Variants in ABCA9 observed in about 807,000 individuals in gnomAD.
ABCA9 encodes ATP-binding cassette sub-family A member 9.
ABCA9 carries 183 observed loss-of-function variants against 205.3 expected under a neutral mutation model. The observed-to-expected ratio is 0.89, with a 90% CI of 0.79 to 1.01. The LOEUF (loss-of-function observed/expected upper bound fraction) is 1.01. ABCA9 is among the 50% of genes least tolerant of loss of function. The probability of loss-of-function intolerance (pLI) is 0.00; values close to 1 mark genes in which losing one functional copy is unlikely to be tolerated. For synonymous variants in ABCA9, 651 were observed against 683.3 expected, an observed-to-expected ratio of 0.95 and a Z score of 0.74; for missense variants, 1,805 against 1,912.4, an observed-to-expected ratio of 0.94 and a Z score of 1.05.
chr17:68,982,643 T>A lies in ABCA9; in HGVS notation c.4641-2A>T. 6.2e-7 allele frequency: 1 copy of A among 1,613,352 alleles called. No individual in the cohort carries two copies. Among genetic ancestry groups the A allele is most frequent in the Non-Finnish European group, 8.5e-7 (1 of 1,179,380 alleles). On this transcript the variant is annotated splice_acceptor_variant, in intron 36 of 38. Transcript: ENST00000340001. LOFTEE classifies it high-confidence loss of function. Reference sequence around the variant, plus strand: ...TTATAGACCATCAGGGAGGAGAACCTGCGAAGAGAAGACAGTGAGGCTGAA... The same window carrying A: ...TTATAGACCATCAGGGAGGAGAACCAGCGAAGAGAAGACAGTGAGGCTGAA...
At chr17:69,036,925 TA>T (rs199587958) in intron 6 of ABCA9, among the ~76,000 whole-genome samples, 4,761 of 77,586 alleles carry the variant, frequency 0.061, 188 homozygotes, top group African/African-American at 0.14. Context: ...TAGTCTCTGA[TA>T]AAACAGACTT....
chr17:69,076,685 T>C, the ABCA9 span, among the ~76,000 whole-genome samples: 1 of 152,134 alleles, frequency 6.6e-6, no homozygotes, highest in Non-Finnish European at 1.5e-5. Flanking sequence ...GGTTCAATTC[T>C]GGAACTTGGT....
chr17:69,066,462 A>G, the ABCA9 span, among the ~76,000 whole-genome samples: 3 of 152,144 alleles, frequency 2.0e-5, no homozygotes, highest in African/African-American at 4.8e-5. Context: ...TTGTCAAGAA[A>G]AGGTTGTTAT....
In ABCA9 at chr17:68,992,214, T is replaced by G; in HGVS notation, c.3677A>C (p.Asn1226Thr). 1 of 1,602,594 alleles carries G rather than the reference T, an allele frequency of 6.2e-7. No individual in the cohort carries two copies. ...CTTTCTCATTAGTTTCTTCCTGCAG[T>G]TCATTTCTAGGCATCGCAGAATGAA... is the stretch of plus-strand genomic sequence containing the variant. ...FLFILRCLEM[N>T]CRKKLMRKDP... The change falls in exon 28 of 39, where the codon AAC becomes ACC. Residue 1226 changes from asparagine to threonine, a missense_variant. Physicochemically the swap from Asn to Thr is moderately conservative, Grantham distance 65 (BLOSUM62 0). Transcript: ENST00000340001.
intron 31 of ABCA9, chr17:68,986,737 A>G (rs2069251157): frequency 6.4e-6 from 1 of 156,428 alleles, no homozygotes; most frequent in Non-Finnish European, 1.4e-5. Flanking sequence ...CCTAGGGGAT[A>G]TTTAACAATG....
At chr17:69,044,699 A>G in intron 4 of ABCA9, 99 bp from the exon 5 acceptor site, 2 of 995,280 alleles carry the variant, frequency 2.0e-6, no homozygotes, top group Middle Eastern at 2.1e-4. Flanking sequence ...GTCCATGATA[A>G]TATAGTGGAT....
chr17:68,989,256 T>TCTCACACACACACA (rs138281321), intron 30 of ABCA9, 138 bp from the exon 31 acceptor site: 38 of 242,994 alleles, frequency 1.6e-4, no homozygotes, highest in African/African-American at 3.3e-4. Context: ...TCTCTCTCTC[T>TCTCACACACACACA]CACACACACA....
Position 69,021,757 on chromosome 17 carries a change from T to A in ABCA9, c.2386A>T (p.Thr796Ser), listed in dbSNP as rs770242782. Residue 796 changes from threonine (T) to serine (S), a missense_variant, in exon 18 of 39, where the codon ACT becomes TCT. Thr to Ser is a moderately conservative substitution (Grantham distance 58). Coordinates refer to ENST00000340001, the MANE Select transcript of ABCA9 (RefSeq NM_080283.4). ...TTTTTCTTACCTGATTCATCAATAG[T>A]TGATTTTCCTTCTAATTTCAGAAAC... ...EVFLKLEGKSTIDESDIGIWG... is the reference protein window; with the variant it reads ...EVFLKLEGKSSIDESDIGIWG... 15 of 1,585,784 alleles carry A rather than the reference T, an allele frequency of 9.5e-6. No individual in the cohort carries two copies. Among genetic ancestry groups the A allele is most frequent in the Non-Finnish European group, 1.3e-5 (15 of 1,164,206 alleles).
intron 6 of ABCA9, among the ~76,000 whole-genome samples, chr17:69,038,394 G>A: frequency 6.6e-6 from 1 of 152,126 alleles, no homozygotes; most frequent in Non-Finnish European, 1.5e-5. Flanking sequence ...TCATCCCCGG[G>A]ATGCAAGGCA....
At chr17:69,055,385 C>T (rs1484104363) in intron 1 of ABCA9, among the ~76,000 whole-genome samples, 1 of 152,082 alleles carries the variant, frequency 6.6e-6, no homozygotes, top group African/African-American at 2.4e-5. Context: ...AATTCTAAAA[C>T]AGAACAGACT....
chr17:69,027,750 TGAACTTGC>T lies in ABCA9; in HGVS notation c.1673_1680del (p.Ser558AsnfsTer25), dbSNP rs979446575. 13 of 1,612,896 alleles carry T rather than the reference TGAACTTGC, an allele frequency of 8.1e-6. No homozygotes were observed. The African/African-American group carries it at 1.5e-4, about 18-fold the overall frequency. ...ACATTGGATTGTGGACAAAATCCAGTGAACTTGCTGATATTTTCTATATCAGCCATTCT... is the reference window on the plus strand; with the variant it reads ...ACATTGGATTGTGGACAAAATCCAGTTGATATTTTCTATATCAGCCATTCT... On this transcript the variant is annotated frameshift_variant, in exon 13 of 39. Transcript: ENST00000340001. LOFTEE classifies it high-confidence loss of function.
the ABCA9 span, among the ~76,000 whole-genome samples, chr17:69,073,434 A>G: frequency 6.6e-6 from 1 of 152,240 alleles, no homozygotes; most frequent in Non-Finnish European, 1.5e-5. Context: ...ATTAGAACTC[A>G]GGATTAAGAA....
chr17:69,031,143 C>G (rs1483317576), intron 10 of ABCA9, among the ~76,000 whole-genome samples: 1 of 152,094 alleles, frequency 6.6e-6, no homozygotes, highest in Non-Finnish European at 1.5e-5. Flanking sequence ...GTCTTATTAC[C>G]CACAATTTGC....
At chr17:68,984,733 TG>T (rs1175432026) in intron 34 of ABCA9, 151 bp downstream of exon 34, 5 of 1,021,286 alleles carry the variant, frequency 4.9e-6, no homozygotes, top group Middle Eastern at 2.2e-4. Flanking sequence ...CAATAAAAGC[TG>T]GTTGTGATTT....
intron 28 of ABCA9, 86 bp downstream of exon 28, chr17:68,992,088 CT>C: frequency 1.1e-6 from 1 of 921,132 alleles, no homozygotes; most frequent in Admixed American, 2.9e-5. Context: ...TGTGAAGTGT[CT>C]TTTACTTAAT....
At chr17:69,037,899 C>T (rs1269771278) in intron 6 of ABCA9, among the ~76,000 whole-genome samples, 4 of 151,948 alleles carry the variant, frequency 2.6e-5, no homozygotes, top group Admixed American at 2.6e-4. Flanking sequence ...ACCACTGATC[C>T]CACAGAAATA....
intron 6 of ABCA9, among the ~76,000 whole-genome samples, chr17:69,042,126 G>T (rs903929335): frequency 6.6e-6 from 1 of 152,114 alleles, no homozygotes; most frequent in Non-Finnish European, 1.5e-5. Flanking sequence ...CTAAACTCTT[G>T]AAACTATCTT....
At chr17:68,998,568 C>A (rs2069716732) in intron 25 of ABCA9, among the ~76,000 whole-genome samples, 1 of 151,882 alleles carries the variant, frequency 6.6e-6, no homozygotes, top group Admixed American at 6.6e-5. Flanking sequence ...TTAAGAATTT[C>A]TTCTATTATA....
the ABCA9 span, among the ~76,000 whole-genome samples, chr17:69,071,398 A>T: frequency 6.6e-6 from 1 of 152,188 alleles, no homozygotes; most frequent in Non-Finnish European, 1.5e-5. Flanking sequence ...AGGAAGGAGC[A>T]GGCAGCAATC....
Sources: gnomAD v4.1 joint callset for allele counts (sites outside exome capture counted in the v4.1 genomes callset) on GRCh38, gnomAD v4.1.1 for gene constraint, MANE v1.5 for transcripts, NCBI Gene and HGNC (gene_info 2026-07-23, HGNC 2026-07-21) for gene names.